TBC1D31: variants seen among roughly 807,000 people sequenced by gnomAD.
TBC1D31 encodes WD repeat domain 67.
In TBC1D31, 99 loss-of-function variants were observed where a neutral mutation model predicts 132.9. That is an observed-to-expected ratio of 0.74 (90% confidence interval 0.63 to 0.88). The LOEUF (loss-of-function observed/expected upper bound fraction) is 0.88, where lower values mean the gene tolerates loss of function less well. TBC1D31 is among the 40% of genes least tolerant of loss of function. The pLI, the probability that TBC1D31 is intolerant of heterozygous loss-of-function variation, is 0.00. For synonymous variants in TBC1D31, 385 were observed against 419.4 expected, an observed-to-expected ratio of 0.92 and a Z score of 1.00; for missense variants, 1,134 against 1,256.6, an observed-to-expected ratio of 0.90 and a Z score of 1.48.
the TBC1D31 span, among the ~76,000 whole-genome samples, chr8:123,165,067 G>A: frequency 6.6e-6 from 1 of 152,160 alleles, no homozygotes; most frequent in East Asian, 1.9e-4. Flanking sequence ...GGAGGAAGGC[G>A]GCCATCTACA....
At chr8:123,102,349 G>GCCGTTGCA in intron 7 of TBC1D31, 2 of 417,806 alleles carry the variant, frequency 4.8e-6, no homozygotes, top group East Asian at 7.4e-5. Flanking sequence ...TTGGAGTGGC[G>GCCGTTGCA]TTTGCCACCT....
intron 8 of TBC1D31, among the ~76,000 whole-genome samples, chr8:123,107,126 G>A (rs963405957): frequency 6.6e-6 from 1 of 152,222 alleles, no homozygotes; most frequent in African/African-American, 2.4e-5. Context: ...AAACCACATT[G>A]TACAAACAGT....
chr8:123,146,086 T>C (rs1037758286), intron 20 of TBC1D31, among the ~76,000 whole-genome samples: 2 of 152,134 alleles, frequency 1.3e-5, no homozygotes, highest in African/African-American at 2.4e-5. Context: ...GCCATGCTGG[T>C]CTCGAACTCC....
At chr8:123,121,485 G>A (rs1563726879) in intron 11 of TBC1D31, among the ~76,000 whole-genome samples, 1 of 152,124 alleles carries the variant, frequency 6.6e-6, no homozygotes, top group Non-Finnish European at 1.5e-5. Flanking sequence ...GGACCATGAG[G>A]GTGAATCATT....
intron 2 of TBC1D31, among the ~76,000 whole-genome samples, chr8:123,079,823 TAAGTTCAGCCCCCATTACCTTATTCATA>T (rs1399364492): frequency 2.0e-5 from 3 of 152,048 alleles, no homozygotes; most frequent in Admixed American, 6.6e-5. Context: ...AAGTATATTG[TAAGTTCAGCCCCCATTACCTTATTCATA>T]AAGTTCAGCC....
intron 11 of TBC1D31, among the ~76,000 whole-genome samples, chr8:123,122,592 G>T (rs1258249575): frequency 1.3e-5 from 2 of 152,182 alleles, no homozygotes; most frequent in Non-Finnish European, 2.9e-5. Flanking sequence ...GGTATTGAAA[G>T]GATTTGGGGA....
At chr8:123,086,676 C>T (rs1291918191) in intron 4 of TBC1D31, among the ~76,000 whole-genome samples, 4 of 151,914 alleles carry the variant, frequency 2.6e-5, no homozygotes, top group East Asian at 3.9e-4. Flanking sequence ...TCCACATCAC[C>T]GATTCCCCCT....
At chr8:123,107,374 C>T (rs1056792210) in intron 8 of TBC1D31, among the ~76,000 whole-genome samples, 2 of 152,164 alleles carry the variant, frequency 1.3e-5, no homozygotes, top group African/African-American at 4.8e-5. Context: ...TTTCTCCCTA[C>T]CCCATATATA....
intron 4 of TBC1D31, among the ~76,000 whole-genome samples, chr8:123,091,437 C>T (rs1233040682): frequency 1.3e-5 from 2 of 152,058 alleles, no homozygotes; most frequent in East Asian, 3.9e-4. Flanking sequence ...TGTTCTAATG[C>T]GTTCATTATA....
chr8:123,148,129 A>C (rs529841412), intron 20 of TBC1D31, among the ~76,000 whole-genome samples: 1 of 151,492 alleles, frequency 6.6e-6, no homozygotes, highest in African/African-American at 2.4e-5. Context: ...TCCATCTCAA[A>C]AAAAAAAAAA....
intron 10 of TBC1D31, among the ~76,000 whole-genome samples, chr8:123,116,118 G>A (rs1226867594): frequency 3.9e-5 from 6 of 152,152 alleles, no homozygotes; most frequent in Non-Finnish European, 8.8e-5. Context: ...GATATGCAGA[G>A]TCTAACAATA....
chr8:123,087,846 T>G (rs1430490007), intron 4 of TBC1D31, among the ~76,000 whole-genome samples: 2 of 152,180 alleles, frequency 1.3e-5, no homozygotes, highest in African/African-American at 4.8e-5. Context: ...AATGTGAAAA[T>G]GTATGTATAG....
At chr8:123,104,313 G>A (rs1218008231) in intron 7 of TBC1D31, 1 of 152,066 alleles carries the variant, frequency 6.6e-6, no homozygotes, top group African/African-American at 2.4e-5. Flanking sequence ...CCCAAGCGTA[G>A]CATTGAAGCG....
chr8:123,118,046 A>G (rs1032832728), intron 10 of TBC1D31, among the ~76,000 whole-genome samples: 2 of 152,222 alleles, frequency 1.3e-5, no homozygotes, highest in Non-Finnish European at 2.9e-5. Context: ...GACAAACCCA[A>G]ATTGAGGAAC....
intron 6 of TBC1D31, among the ~76,000 whole-genome samples, chr8:123,099,194 A>G (rs1194505898): frequency 6.6e-6 from 1 of 152,034 alleles, no homozygotes; most frequent in African/African-American, 2.4e-5. Flanking sequence ...ATCTCGGCTC[A>G]CTGCAAGCTC....
intron 2 of TBC1D31, 169 bp from the exon 3 acceptor site, chr8:123,082,533 C>T: frequency 1.7e-6 from 1 of 580,680 alleles, no homozygotes; most frequent in South Asian, 2.2e-5. Flanking sequence ...ATTCTGATAA[C>T]ATCCAAACTC....
Position 123,130,275 on chromosome 8 carries a change from T to G in TBC1D31, c.2348T>G (p.Leu783Arg). 1 of 1,612,928 alleles carries G rather than the reference T, an allele frequency of 6.2e-7. No homozygotes were observed. The highest frequency in any genetic ancestry group is 8.5e-7 in the Non-Finnish European group (1 of 1,179,394). Residue 783 changes from leucine to arginine, a missense_variant, in exon 16 of 22, where the codon CTT becomes CGT. By Grantham distance (102) the Leu-to-Arg change is moderately radical (BLOSUM62 -2). Transcript: ENST00000287380. ...QDAARRRFLK[L>R]QQDQQEMELR... ...GCTGCAAGAAGGCGTTTTCTGAAGCTTCAGCAAGATCAACAGGAAATGGAA... is the reference window on the plus strand; with the variant it reads ...GCTGCAAGAAGGCGTTTTCTGAAGCGTCAGCAAGATCAACAGGAAATGGAA...
chr8:123,152,364 C>T (rs962117621), downstream of TBC1D31, among the ~76,000 whole-genome samples: 2 of 152,184 alleles, frequency 1.3e-5, no homozygotes, highest in Non-Finnish European at 2.9e-5. Flanking sequence ...ACCCCCGCCT[C>T]TGCCAGCGGG....
At chr8:123,157,264 A>G in the TBC1D31 span, among the ~76,000 whole-genome samples, 3 of 152,204 alleles carry the variant, frequency 2.0e-5, no homozygotes, top group East Asian at 1.9e-4. Context: ...CGACCTTCAG[A>G]TTATGAGACT....
Sources: allele counts gnomAD v4.1 joint callset (sites outside exome capture counted in the v4.1 genomes callset), GRCh38; gene constraint gnomAD v4.1.1; transcripts MANE v1.5; gene names NCBI Gene and HGNC (gene_info 2026-07-23, HGNC 2026-07-21).